The following CTNND2 variants were observed in gnomAD, a reference collection of about 807,000 sequenced individuals.
The protein encoded by CTNND2 is catenin delta 2.
Under a neutral mutation model 144.4 loss-of-function variants are expected in CTNND2, and 22 were observed. The ratio of observed to expected loss-of-function variants is 0.15; its 90% CI spans 0.11 to 0.22. The LOEUF is 0.22. Among genes scored for constraint, CTNND2 ranks in the 10% least tolerant of loss-of-function variants. The pLI, the probability that CTNND2 is intolerant of heterozygous loss-of-function variation, is 1.00. For missense variants in CTNND2, 1,353 were observed against 1,618.8 expected, an observed-to-expected ratio of 0.84 and a Z score of 2.82; for synonymous variants, 751 against 695.6, an observed-to-expected ratio of 1.08 and a Z score of -1.25.
At chr5:11,539,604 T>A (rs1774541735) in intron 3 of CTNND2, among the ~76,000 whole-genome samples, 1 of 152,244 alleles carries the variant, frequency 6.6e-6, no homozygotes, top group Admixed American at 6.5e-5. Flanking sequence ...GTGACGTTTA[T>A]GCAAGCAGCA....
At chr5:11,600,271 G>A (rs1327779801) in intron 2 of CTNND2, among the ~76,000 whole-genome samples, 1 of 152,096 alleles carries the variant, frequency 6.6e-6, no homozygotes, top group Non-Finnish European at 1.5e-5. Flanking sequence ...ATTCTAAGCA[G>A]TATGTGAAGT....
chr5:11,127,639 A>G (rs1298690053), intron 12 of CTNND2, among the ~76,000 whole-genome samples: 2 of 151,116 alleles, frequency 1.3e-5, no homozygotes, highest in African/African-American at 4.9e-5. Flanking sequence ...TTTATTTTCA[A>G]TTCCCCCTTT....
At chr5:11,895,196 A>C (rs935080370) in intron 1 of CTNND2, among the ~76,000 whole-genome samples, 1 of 152,192 alleles carries the variant, frequency 6.6e-6, no homozygotes, top group African/African-American at 2.4e-5. Flanking sequence ...GACTGCCACA[A>C]ACACCTTGCC....
intron 14 of CTNND2, among the ~76,000 whole-genome samples, chr5:11,107,036 G>A (rs1445690614): frequency 6.6e-6 from 1 of 152,160 alleles, no homozygotes; most frequent in African/African-American, 2.4e-5. Context: ...AGAGACCGGA[G>A]TTCTACATCA....
intron 1 of CTNND2, among the ~76,000 whole-genome samples, chr5:11,797,551 A>G (rs1791466038): frequency 6.6e-6 from 1 of 152,118 alleles, no homozygotes; most frequent in Admixed American, 6.5e-5. Flanking sequence ...ATTAAATGCT[A>G]TTCTCAAATA....
At chr5:11,877,578 C>T (rs993521606) in intron 1 of CTNND2, among the ~76,000 whole-genome samples, 2 of 152,082 alleles carry the variant, frequency 1.3e-5, no homozygotes, top group East Asian at 3.8e-4. Context: ...TTTGAATACG[C>T]TTGAAGATTA....
At chr5:11,072,161 A>G (rs6862708) in intron 16 of CTNND2, among the ~76,000 whole-genome samples, 11,405 of 152,288 alleles carry the variant, frequency 0.075, 768 homozygotes, top group African/African-American at 0.17. Flanking sequence ...AAACTGTTCA[A>G]GTCTCAAGGT....
At chr5:11,216,166 A>G (rs1281014349) in intron 10 of CTNND2, among the ~76,000 whole-genome samples, 1 of 152,162 alleles carries the variant, frequency 6.6e-6, no homozygotes, top group African/African-American at 2.4e-5. Flanking sequence ...GGGTTCCTCT[A>G]AGAGCTGAGA....
chr5:11,648,617 C>T (rs936924862), intron 2 of CTNND2, among the ~76,000 whole-genome samples: 1 of 152,010 alleles, frequency 6.6e-6, no homozygotes, highest in African/African-American at 2.4e-5. Context: ...ACATTTTTTT[C>T]CAATTAGTAA....
At chr5:11,733,297 C>G (rs1299418721) in intron 1 of CTNND2, among the ~76,000 whole-genome samples, 3 of 152,076 alleles carry the variant, frequency 2.0e-5, no homozygotes, top group Non-Finnish European at 1.5e-5. Context: ...GGCTCTGACA[C>G]TCTCTGAGAG....
At chr5:11,068,491 T>A (rs570158670) in intron 16 of CTNND2, among the ~76,000 whole-genome samples, 2 of 152,342 alleles carry the variant, frequency 1.3e-5, no homozygotes, top group African/African-American at 4.8e-5. Flanking sequence ...TTATAAAAGA[T>A]GCTCTGGTAT....
At chr5:11,450,820 C>T (rs1765240170) in intron 3 of CTNND2, among the ~76,000 whole-genome samples, 1 of 149,084 alleles carries the variant, frequency 6.7e-6, no homozygotes, top group Admixed American at 6.8e-5. Flanking sequence ...ATCACTTGAA[C>T]CCGGGAGGCG....
intron 2 of CTNND2, among the ~76,000 whole-genome samples, chr5:11,656,080 T>C (rs1782898978): frequency 6.6e-6 from 1 of 152,128 alleles, no homozygotes. Flanking sequence ...GATTTTAGAA[T>C]TCAGACATGG....
At chr5:11,354,121 A>C (rs1289836922) in intron 8 of CTNND2, among the ~76,000 whole-genome samples, 2 of 152,256 alleles carry the variant, frequency 1.3e-5, no homozygotes, top group East Asian at 1.9e-4. Flanking sequence ...CCAGATGAGA[A>C]GAGATGCATT....
rs137961331 is a variant in CTNND2, at chr5:11,010,625, G to A, written c.3084+7349C>T. On this transcript the variant is annotated intron_variant, in intron 18 of 21. Transcript: ENST00000304623. ...AAGCTGCGAAAGATGACAAAAGGCT[G>A]TATTCACTCCTTCATCCACTCTGAT... 9.6e-3 allele frequency among the ~76,000 whole-genome samples: 1,465 copies of A among 152,334 alleles called. 24 individuals carry two copies. The highest frequency in any genetic ancestry group is 0.033 in the African/African-American group (1,369 of 41,578).
intron 20 of CTNND2, among the ~76,000 whole-genome samples, chr5:10,985,848 C>A (rs1315236248): frequency 6.6e-6 from 1 of 152,170 alleles, no homozygotes; most frequent in Non-Finnish European, 1.5e-5. Flanking sequence ...TGGCTTCCAC[C>A]TGGCTTGGCT....
chr5:11,816,312 G>A lies in CTNND2; in HGVS notation c.38-84040C>T, dbSNP rs750382475. On this transcript the variant is annotated intron_variant, in intron 1 of 21. Coordinates refer to ENST00000304623, the MANE Select transcript of CTNND2 (RefSeq NM_001332.4). ...AGAACTGAGCTTGAAACTTTTCAGA[G>A]AGATCCTGTCCCCAAGGGCTACCTG... Among the ~76,000 whole-genome samples, 154 of 152,188 alleles carry A rather than the reference G, an allele frequency of 1.0e-3. 2 individuals carry two copies. The highest frequency in any genetic ancestry group is 1.8e-3 in the Non-Finnish European group (125 of 68,018).
chr5:11,295,259 C>G (rs10474917), intron 9 of CTNND2, among the ~76,000 whole-genome samples: 12,277 of 151,974 alleles, frequency 0.081, 588 homozygotes, highest in Admixed American at 0.12. Flanking sequence ...AAAATACCTA[C>G]GAATCCACCT....
chr5:11,891,271 C>G (rs938263030), intron 1 of CTNND2, among the ~76,000 whole-genome samples: 8 of 152,174 alleles, frequency 5.3e-5, no homozygotes, highest in African/African-American at 1.9e-4. Context: ...TTAAACTGAG[C>G]TGAATAATCA....
Sources: allele counts gnomAD v4.1 joint callset (sites outside exome capture counted in the v4.1 genomes callset), GRCh38; gene constraint gnomAD v4.1.1; transcripts MANE v1.5; gene names NCBI Gene and HGNC (gene_info 2026-07-23, HGNC 2026-07-21).